The following AGAP1 variants were observed in gnomAD, a reference collection of about 807,000 sequenced individuals.
AGAP1 encodes ArfGAP with GTPase domain, ankyrin repeat and PH domain 1.
In AGAP1, 29 loss-of-function variants were observed where a neutral mutation model predicts 105.3. The observed-to-expected ratio is 0.28, with a 90% CI of 0.21 to 0.38. The LOEUF (loss-of-function observed/expected upper bound fraction) is 0.38, where lower values mean the gene tolerates loss of function less well. Ranked by LOEUF, AGAP1 falls within the 10% of genes least tolerant of loss-of-function variation. AGAP1 has a pLI of 1.00. For synonymous variants in AGAP1, 509 were observed against 485.9 expected (o/e 1.05, Z -0.63); for missense variants, 998 against 1,165.1 (o/e 0.86, Z 2.09).
chr2:235,786,663 G>A (rs1956657832), intron 6 of AGAP1, among the ~76,000 whole-genome samples: 1 of 152,178 alleles, frequency 6.6e-6, no homozygotes, highest in Admixed American at 6.5e-5. Context: ...GTTGTAATAA[G>A]TCCATTTTTC....
At chr2:235,682,072 C>G (rs754055895) in intron 1 of AGAP1, among the ~76,000 whole-genome samples, 15 of 151,420 alleles carry the variant, frequency 9.9e-5, no homozygotes, top group Non-Finnish European at 2.1e-4. Context: ...AGGCTGGTCT[C>G]GAACTCCTGA....
At position 235,875,114 on chromosome 2, in the gene AGAP1, C is replaced by A. The variant is rs758479578; in HGVS notation, c.1051-8231C>A. ...GAGAGCCCTGTCACCCCCTCTCCCCCATCTGCCCTTGCTGCAAGGAGGAGG... is the reference window on the plus strand; with the variant it reads ...GAGAGCCCTGTCACCCCCTCTCCCCAATCTGCCCTTGCTGCAAGGAGGAGG... On this transcript the variant is annotated intron_variant, in intron 9 of 17. Transcript: ENST00000304032. The surrounding 1 kb of genome is among the most constrained non-coding windows in gnomAD (Gnocchi z 4.0). Among the ~76,000 whole-genome samples the A allele has an allele frequency of 1.3e-4, 20 of 152,282 alleles. No individual in the cohort carries two copies. Among genetic ancestry groups the A allele is most frequent in the Middle Eastern group, 3.4e-3 (1 of 294 alleles).
In AGAP1 at chr2:235,623,608, T is replaced by A. The variant is rs1004633057; in HGVS notation, c.164-85571T>A. Among the ~76,000 whole-genome samples, 1 of 152,192 alleles carries A rather than the reference T, an allele frequency of 6.6e-6. No individual in the cohort carries two copies. On this transcript the variant is annotated intron_variant, in intron 1 of 17. Coordinates refer to ENST00000304032, the MANE Select transcript of AGAP1 (RefSeq NM_001037131.3). This position sits in a 1 kb window ranked among gnomAD's most constrained non-coding sequence, Gnocchi z 4.5. ...GAAGCTGTGGGCCATTGAGCCAGCC[T>A]GGAGATGCATGGTAGGTTAGGGTGC...
intron 13 of AGAP1, among the ~76,000 whole-genome samples, chr2:236,016,412 G>A (rs945831209): frequency 1.2e-4 from 16 of 134,766 alleles, no homozygotes; most frequent in African/African-American, 4.6e-4. Context: ...TATGCATGTG[G>A]GTTTGTCGCA....
In AGAP1 at chr2:235,705,950, G is replaced by A. The variant is rs1264206640; in HGVS notation, c.164-3229G>A. Among the ~76,000 whole-genome samples the A allele has an allele frequency of 2.0e-5, 3 of 152,168 alleles. No homozygotes were observed. Among genetic ancestry groups the A allele is most frequent in the African/African-American group, 7.2e-5 (3 of 41,438 alleles). On this transcript the variant is annotated intron_variant, in intron 1 of 17. Coordinates refer to ENST00000304032, the MANE Select transcript of AGAP1 (RefSeq NM_001037131.3). The surrounding 1 kb of genome is among the most constrained non-coding windows in gnomAD (Gnocchi z 4.9). Reference sequence around the variant, plus strand: ...GTTGAAAAATCAGCAGTGCATTGATGAATAGAGCTCATTTTAATTCACAGT... The same window carrying A: ...GTTGAAAAATCAGCAGTGCATTGATAAATAGAGCTCATTTTAATTCACAGT...
chr2:236,117,887 G>C (rs186587218), intron 16 of AGAP1, among the ~76,000 whole-genome samples: 50 of 152,140 alleles, frequency 3.3e-4, no homozygotes, highest in Admixed American at 1.0e-3. Context: ...GTTTTTGCCC[G>C]AGTGGGGTGC....
intron 1 of AGAP1, among the ~76,000 whole-genome samples, chr2:235,667,749 A>G (rs1255429603): frequency 6.6e-6 from 1 of 152,090 alleles, no homozygotes; most frequent in African/African-American, 2.4e-5. Flanking sequence ...TCATGAGGTC[A>G]GGAGTTCGAG....
chr2:236,109,065 G>A lies in AGAP1; in HGVS notation c.2115-11127G>A, dbSNP rs1576325847. ...TCATCTTTGCAGCTCTCAAATGCATGAGGAACAGAGAATGGGGCATTGCAG... is the reference window on the plus strand; with the variant it reads ...TCATCTTTGCAGCTCTCAAATGCATAAGGAACAGAGAATGGGGCATTGCAG... On this transcript the variant is annotated intron_variant, in intron 16 of 17. Coordinates refer to ENST00000304032, the MANE Select transcript of AGAP1 (RefSeq NM_001037131.3). The surrounding 1 kb of genome is among the most constrained non-coding windows in gnomAD (Gnocchi z 5.4). Among the ~76,000 whole-genome samples the A allele has an allele frequency of 6.6e-6, 1 of 152,226 alleles. No individual in the cohort carries two copies. Among genetic ancestry groups the A allele is most frequent in the African/African-American group, 2.4e-5 (1 of 41,444 alleles).
chr2:235,865,114 T>C lies in AGAP1; in HGVS notation c.1051-18231T>C, dbSNP rs1293967057. Among the ~76,000 whole-genome samples, 2 of 152,228 alleles carry C rather than the reference T, an allele frequency of 1.3e-5. No individual in the cohort carries two copies. Among genetic ancestry groups the C allele is most frequent in the Non-Finnish European group, 2.9e-5 (2 of 68,040 alleles). ...AAGTGTGTCGGTCACAAAGCATACA[T>C]TTCGGGGCAGTTAGCTGAATAATTC... is the stretch of plus-strand genomic sequence containing the variant. On this transcript the variant is annotated intron_variant, in intron 9 of 17. Coordinates refer to ENST00000304032, the MANE Select transcript of AGAP1 (RefSeq NM_001037131.3). The surrounding 1 kb of genome is among the most constrained non-coding windows in gnomAD (Gnocchi z 6.2).
Position 235,994,983 on chromosome 2 carries a change from C to T in AGAP1, c.1645+26360C>T, listed in dbSNP as rs1345390270. Among the ~76,000 whole-genome samples the T allele has an allele frequency of 7.4e-6, 1 of 135,000 alleles. No homozygotes were observed. Among genetic ancestry groups the T allele is most frequent in the Non-Finnish European group, 1.5e-5 (1 of 65,520 alleles). The allele number at this position is 135,000 out of a possible 152,430, so 88.6% of individuals were successfully genotyped here. A position where few individuals can be genotyped will look rare whatever the true frequency, so the allele number is the denominator to read the frequency against. On this transcript the variant is annotated intron_variant, in intron 13 of 17. Coordinates refer to ENST00000304032, the MANE Select transcript of AGAP1 (RefSeq NM_001037131.3). The surrounding 1 kb of genome is among the most constrained non-coding windows in gnomAD (Gnocchi z 4.4). The stretch of plus-strand genomic sequence containing the variant: ...TTGGGAGGCTGAGGCAAGAGAATTG[C>T]TTGAACCCGGGAGGCAGAGGTTGCA...
In AGAP1 at chr2:236,095,716, G is replaced by A. The variant is rs1175584297; in HGVS notation, c.2115-24476G>A. Among the ~76,000 whole-genome samples the A allele has an allele frequency of 2.6e-5, 4 of 152,114 alleles. No homozygotes were observed. Among genetic ancestry groups the A allele is most frequent in the African/African-American group, 4.8e-5 (2 of 41,434 alleles). On this transcript the variant is annotated intron_variant, in intron 16 of 17. Coordinates refer to ENST00000304032, the MANE Select transcript of AGAP1 (RefSeq NM_001037131.3). The surrounding 1 kb of genome is among the most constrained non-coding windows in gnomAD (Gnocchi z 4.1). The stretch of plus-strand genomic sequence containing the variant: ...AGAATAATGCTGACAATGTAAAATT[G>A]TGGGAAAAAACTTTTAAAAATTTTG...
At chr2:235,564,738 G>C (rs1221550330) in intron 1 of AGAP1, among the ~76,000 whole-genome samples, 9 of 146,194 alleles carry the variant, frequency 6.2e-5, no homozygotes, top group African/African-American at 2.1e-4. Context: ...GTGTGAGCCT[G>C]GACCAGCACC....
At position 235,994,727 on chromosome 2, in the gene AGAP1, CAG is replaced by C. The variant is rs563291275; in HGVS notation, c.1645+26105_1645+26106del. Among the ~76,000 whole-genome samples, 117 of 151,814 alleles carry C rather than the reference CAG, an allele frequency of 7.7e-4. No individual in the cohort carries two copies. In the Middle Eastern group the frequency reaches 0.014, roughly 18 times the overall value. ...ACGTTACACAAACACACAAGCTTCT[CAG>C]GGGAAGAGCATGATGAATTTCTTTC... On this transcript the variant is annotated intron_variant, in intron 13 of 17. Coordinates refer to ENST00000304032, the MANE Select transcript of AGAP1 (RefSeq NM_001037131.3). The surrounding 1 kb of genome is among the most constrained non-coding windows in gnomAD (Gnocchi z 4.4).
chr2:235,716,815 A>C lies in AGAP1; in HGVS notation c.223-742A>C, dbSNP rs73996335. ...GTGTCAACAGGGAGGCTTCCTGTGA[A>C]GAATCCCCTGGAAAGTCAGCCTTGC... On this transcript the variant is annotated intron_variant, in intron 2 of 17. Coordinates refer to ENST00000304032, the MANE Select transcript of AGAP1 (RefSeq NM_001037131.3). This position sits in a 1 kb window ranked among gnomAD's most constrained non-coding sequence, Gnocchi z 4.0. Among the ~76,000 whole-genome samples, 2,517 of 152,172 alleles carry C rather than the reference A, an allele frequency of 0.017. 66 individuals carry two copies. The highest frequency in any genetic ancestry group is 0.058 in the African/African-American group (2,413 of 41,502).
chr2:235,559,071 C>G lies in AGAP1; in HGVS notation c.163+64222C>G, dbSNP rs188374091. Among the ~76,000 whole-genome samples, 92 of 152,172 alleles carry G rather than the reference C, an allele frequency of 6.0e-4. No individual in the cohort carries two copies. In the Middle Eastern group the frequency reaches 0.014, roughly 23 times the overall value. ...CTAGGTAGCTGAGACTACAGGCATG[C>G]GCCACTACACCCGACTAATATTTTG... is the stretch of plus-strand genomic sequence containing the variant. On this transcript the variant is annotated intron_variant, in intron 1 of 17. Coordinates refer to ENST00000304032, the MANE Select transcript of AGAP1 (RefSeq NM_001037131.3). This position sits in a 1 kb window ranked among gnomAD's most constrained non-coding sequence, Gnocchi z 5.7.
intron 6 of AGAP1, among the ~76,000 whole-genome samples, chr2:235,757,668 G>C (rs1954044507): frequency 6.6e-6 from 1 of 152,182 alleles, no homozygotes; most frequent in Non-Finnish European, 1.5e-5. Context: ...CATGCCGAGA[G>C]CCCGAGCTGG....
Position 236,104,602 on chromosome 2 carries a change from G to A in AGAP1, c.2115-15590G>A, listed in dbSNP as rs535369371. Among the ~76,000 whole-genome samples the A allele has an allele frequency of 5.9e-5, 9 of 152,238 alleles. No individual in the cohort carries two copies. Among genetic ancestry groups the A allele is most frequent in the African/African-American group, 2.2e-4 (9 of 41,568 alleles). ...TCCAACTTGGGTTACAAAGACAAGC[G>A]TGCACAGGCCAGGCGCGGTGGCTCA... On this transcript the variant is annotated intron_variant, in intron 16 of 17. Transcript: ENST00000304032. This position sits in a 1 kb window ranked among gnomAD's most constrained non-coding sequence, Gnocchi z 4.7.
chr2:235,941,771 G>T (rs1226514110), intron 12 of AGAP1, among the ~76,000 whole-genome samples: 1 of 152,136 alleles, frequency 6.6e-6, no homozygotes, highest in African/African-American at 2.4e-5. Flanking sequence ...ATCAAATGCT[G>T]CCAAGAACTC....
chr2:235,796,806 T>C (rs918892263), intron 6 of AGAP1, among the ~76,000 whole-genome samples: 11 of 152,202 alleles, frequency 7.2e-5, no homozygotes, highest in Non-Finnish European at 1.2e-4. Flanking sequence ...TTGAATATCA[T>C]TGAACTTAAT....
Sources: gnomAD v4.1 joint callset for allele counts (sites outside exome capture counted in the v4.1 genomes callset) on GRCh38, gnomAD v4.1.1 for gene constraint, Gnocchi (gnomAD v3.1) non-coding constraint, MANE v1.5 for transcripts, NCBI Gene and HGNC (gene_info 2026-07-23, HGNC 2026-07-21) for gene names.